Variants in TTC23 observed in about 807,000 individuals in gnomAD.
The protein encoded by TTC23 is tetratricopeptide repeat domain 23.
Under a neutral mutation model 55.1 loss-of-function variants are expected in TTC23, and 58 were observed. The ratio of observed to expected loss-of-function variants is 1.05; its 90% confidence interval spans 0.85 to 1.31. TTC23 has a LOEUF of 1.31. TTC23 is among the 50% of genes most tolerant of loss of function. TTC23 has a pLI of 0.00. For synonymous variants in TTC23, 203 were observed against 199.9 expected (o/e 1.02, Z -0.13); for missense variants, 516 against 534.4 (o/e 0.97, Z 0.34).
chr15:99,204,234 C>A (rs998584546), intron 8 of TTC23, among the ~76,000 whole-genome samples: 1 of 152,064 alleles, frequency 6.6e-6, no homozygotes, highest in Non-Finnish European at 1.5e-5. Context: ...TTTCTGTGAT[C>A]ATCAGTGATG....
intron 12 of TTC23, chr15:99,139,651 A>C: frequency 1.4e-6 from 2 of 1,465,582 alleles, no homozygotes; most frequent in Middle Eastern, 3.6e-4. Flanking sequence ...AAATAGATTT[A>C]AAAGTAGTAT....
intron 2 of TTC23, among the ~76,000 whole-genome samples, chr15:99,241,851 T>C: frequency 6.6e-6 from 1 of 152,094 alleles, no homozygotes; most frequent in Non-Finnish European, 1.5e-5. Context: ...AAAAACCTCA[T>C]CAATCAGGGA....
chr15:99,189,410 G>A (rs1299684544), intron 9 of TTC23, among the ~76,000 whole-genome samples: 2 of 152,190 alleles, frequency 1.3e-5, no homozygotes, highest in Non-Finnish European at 1.5e-5. Context: ...AAATTTATGT[G>A]AGAAGCAAGA....
At chr15:99,138,253 TGAGAG>T (rs2067769562) in intron 13 of TTC23, 126 bp from the exon 14 acceptor site, 2 of 1,116,296 alleles carry the variant, frequency 1.8e-6, no homozygotes, top group Non-Finnish European at 2.5e-6. Flanking sequence ...GGGCTATAAA[TGAGAG>T]GAGAATTGTA....
intron 8 of TTC23, among the ~76,000 whole-genome samples, chr15:99,211,617 T>C (rs549750314): frequency 7.4e-6 from 1 of 134,670 alleles, no homozygotes; most frequent in Admixed American, 7.3e-5. Context: ...AATTAGATCA[T>C]AATGATAATT....
rs2071423360 is a variant in TTC23 at position 99,161,879 on chromosome 15, C to T, written c.866-12G>A. Reference sequence around the variant, plus strand: ...CTGCTCAGCTACATCTGAAGAAAAGCATTTATCATAACTTTGAAAACTGCT... The same window carrying T: ...CTGCTCAGCTACATCTGAAGAAAAGTATTTATCATAACTTTGAAAACTGCT... On this transcript the variant is annotated splice_polypyrimidine_tract_variant and intron_variant, in intron 10 of 13. Transcript: ENST00000394132. 6.3e-7 allele frequency: 1 copy of T among 1,588,260 alleles called. No homozygotes were observed. Among genetic ancestry groups the T allele is most frequent in the Non-Finnish European group, 8.5e-7 (1 of 1,172,212 alleles).
intron 9 of TTC23, among the ~76,000 whole-genome samples, chr15:99,184,158 G>A (rs1419555030): frequency 1.3e-5 from 2 of 152,224 alleles, no homozygotes; most frequent in African/African-American, 4.8e-5. Context: ...GTGTGCTGCA[G>A]GGACGAAGCA....
chr15:99,191,614 A>AT (rs2075258365), intron 9 of TTC23, among the ~76,000 whole-genome samples: 1 of 152,196 alleles, frequency 6.6e-6, no homozygotes, highest in South Asian at 2.1e-4. Context: ...GCCTTCTACC[A>AT]TGATTGTGAG....
At chr15:99,228,366 C>T in intron 5 of TTC23, 167 bp downstream of exon 5, 1 of 519,554 alleles carries the variant, frequency 1.9e-6, no homozygotes, top group Non-Finnish European at 3.2e-6. Flanking sequence ...GTGCTTGGAG[C>T]CTAGAGGTAC....
intron 9 of TTC23, among the ~76,000 whole-genome samples, chr15:99,187,187 T>G (rs939767875): frequency 7.9e-5 from 12 of 151,666 alleles, no homozygotes; most frequent in Non-Finnish European, 1.6e-4. Context: ...TTGACATGGG[T>G]CCCAAAATAA....
chr15:99,147,892 A>C (rs2069145535), intron 12 of TTC23, among the ~76,000 whole-genome samples: 1 of 152,126 alleles, frequency 6.6e-6, no homozygotes, highest in Non-Finnish European at 1.5e-5. Context: ...GAAAACACCA[A>C]ATATGCTAAA....
intron 8 of TTC23, among the ~76,000 whole-genome samples, chr15:99,204,369 T>G (rs2076435365): frequency 6.6e-6 from 1 of 152,088 alleles, no homozygotes; most frequent in South Asian, 2.1e-4. Context: ...AACTCCTTAT[T>G]TATTCTGGTT....
At chr15:99,201,189 AT>A (rs1312641513) in intron 8 of TTC23, among the ~76,000 whole-genome samples, 1 of 151,920 alleles carries the variant, frequency 6.6e-6, no homozygotes. Context: ...TAATTTAGAA[AT>A]TATAAGTAAA....
chr15:99,178,368 T>C (rs1471309392), intron 9 of TTC23, among the ~76,000 whole-genome samples: 3 of 152,128 alleles, frequency 2.0e-5, no homozygotes, highest in Non-Finnish European at 2.9e-5. Flanking sequence ...TTATAAACCA[T>C]ATGCTAGAGG....
At position 99,221,809 on chromosome 15, in the gene TTC23, T is replaced by C. The variant is rs376030797; in HGVS notation, c.236A>G (p.Tyr79Cys). ...TGCTAGTTTCCAATGTGAGTCTCCA[T>C]AGCAAATTCTTGTCAGTGCTACGCA... ...VRCVALTRIC[Y>C]GDSHWKLAEA... The change falls in exon 6 of 14, where the codon TAT (tyrosine) becomes TGT (cysteine). Residue 79 changes from tyrosine (Y) to cysteine (C), a missense_variant. Tyr to Cys is a radical substitution (Grantham distance 194, BLOSUM62 -2). Transcript: ENST00000394132. The C allele has an allele frequency of 2.2e-5, 35 of 1,614,058 alleles. No individual in the cohort carries two copies. The highest frequency in any genetic ancestry group is 2.7e-5 in the African/African-American group (2 of 74,936).
rs193063983 is a variant in TTC23, at chr15:99,188,273, T to C, written c.759+11646A>G. ...CACATACTGTATGATTCTGTTTATA[T>C]GGAATGTCTAGAATAGAAAAATCCA... is the stretch of plus-strand genomic sequence containing the variant. On this transcript the variant is annotated intron_variant, in intron 9 of 13. Coordinates refer to ENST00000394132, the MANE Select transcript of TTC23 (RefSeq NM_001288615.3). Among the ~76,000 whole-genome samples, 20 of 152,172 alleles carry C rather than the reference T, an allele frequency of 1.3e-4. No homozygotes were observed. In the East Asian group the frequency reaches 3.1e-3, roughly 23 times the overall value.
chr15:99,251,070 G>A (rs2080701236), upstream of TTC23: 1 of 151,998 alleles, frequency 6.6e-6, no homozygotes, highest in South Asian at 2.1e-4. Flanking sequence ...TGCTCTGAAT[G>A]AGAAGCCGAG....
At chr15:99,177,807 C>G (rs1414899697) in intron 9 of TTC23, among the ~76,000 whole-genome samples, 1 of 152,140 alleles carries the variant, frequency 6.6e-6, no homozygotes, top group Non-Finnish European at 1.5e-5. Flanking sequence ...ATTACATGTT[C>G]TGAAAACACT....
intron 3 of TTC23, among the ~76,000 whole-genome samples, chr15:99,237,939 T>C (rs115329954): frequency 7.8e-4 from 118 of 152,162 alleles, no homozygotes; most frequent in African/African-American, 2.6e-3. Flanking sequence ...TTAAATTTCA[T>C]CCTATTGCAA....
Sources: allele counts gnomAD v4.1 joint callset (sites outside exome capture counted in the v4.1 genomes callset), GRCh38; gene constraint gnomAD v4.1.1; transcripts MANE v1.5; gene names NCBI Gene and HGNC (gene_info 2026-07-23, HGNC 2026-07-21).